The following GLIS3 variants were observed in gnomAD, a reference collection of about 807,000 sequenced individuals.
GLIS3 encodes the protein GLIS family zinc finger 3, also known as zinc finger protein GLIS3.
A neutral mutation model predicts 78.6 loss-of-function variants in GLIS3; 53 were observed. That is an observed-to-expected ratio of 0.67 (90% confidence interval 0.54 to 0.85). The LOEUF (loss-of-function observed/expected upper bound fraction) is 0.85. Among genes scored for constraint, GLIS3 ranks in the 40% least tolerant of loss-of-function variants. The pLI is 0.00. For synonymous variants in GLIS3, 684 were observed against 509.9 expected (o/e 1.34, Z -4.60); for missense variants, 1,703 against 1,231.1 (o/e 1.38, Z -5.74).
intron 6 of GLIS3, among the ~76,000 whole-genome samples, chr9:3,904,063 A>G (rs1823500528): frequency 6.6e-6 from 1 of 152,198 alleles, no homozygotes; most frequent in African/African-American, 2.4e-5. Context: ...ACAGTCTCAT[A>G]GGCACTTTGT....
intron 5 of GLIS3, among the ~76,000 whole-genome samples, chr9:3,934,908 GCTACA>G (rs1397226765): frequency 3.3e-5 from 5 of 152,090 alleles, no homozygotes; most frequent in African/African-American, 1.2e-4. Flanking sequence ...TAACTAGCAT[GCTACA>G]CTTCATCCAA....
chr9:4,067,171 A>T (rs967567163), intron 4 of GLIS3, among the ~76,000 whole-genome samples: 1 of 151,670 alleles, frequency 6.6e-6, no homozygotes, highest in African/African-American at 2.4e-5. Flanking sequence ...ATTTTTTTTT[A>T]ATACTTAACA....
chr9:4,152,440 T>A (rs1403630176), intron 2 of GLIS3, among the ~76,000 whole-genome samples: 1 of 152,206 alleles, frequency 6.6e-6, no homozygotes, highest in African/African-American at 2.4e-5. Flanking sequence ...ACAGCCTTCA[T>A]CCAAAGGCTA....
At chr9:4,026,557 T>C (rs1200058841) in intron 4 of GLIS3, among the ~76,000 whole-genome samples, 1 of 152,184 alleles carries the variant, frequency 6.6e-6, no homozygotes, top group Non-Finnish European at 1.5e-5. Context: ...TAAGTATACA[T>C]ATATGAGACA....
chr9:4,189,504 T>C (rs1025751209), intron 2 of GLIS3, among the ~76,000 whole-genome samples: 1 of 152,196 alleles, frequency 6.6e-6, no homozygotes, highest in African/African-American at 2.4e-5. Context: ...TAGATGTCTA[T>C]TAGGTCTGCT....
chr9:4,100,699 A>G (rs1323516105), intron 4 of GLIS3, among the ~76,000 whole-genome samples: 3 of 152,204 alleles, frequency 2.0e-5, no homozygotes, highest in African/African-American at 7.2e-5. Flanking sequence ...GTATAGAATT[A>G]TCTAGTGTTC....
At chr9:4,330,224 C>A (rs1165024267) in intron 2 of GLIS3, among the ~76,000 whole-genome samples, 2 of 152,218 alleles carry the variant, frequency 1.3e-5, no homozygotes, top group African/African-American at 2.4e-5. Flanking sequence ...AGAAGCAGGG[C>A]TCCCAAGACA....
the GLIS3 span, among the ~76,000 whole-genome samples, chr9:4,444,070 C>G: frequency 6.6e-6 from 1 of 152,094 alleles, no homozygotes; most frequent in East Asian, 1.9e-4. Flanking sequence ...GGACCATGGT[C>G]AAGAGAAGAG....
At chr9:4,159,425 T>A (rs1422324095) in intron 2 of GLIS3, among the ~76,000 whole-genome samples, 1 of 152,134 alleles carries the variant, frequency 6.6e-6, no homozygotes, top group African/African-American at 2.4e-5. Context: ...CCATAAGAGA[T>A]AATAAATCTG....
chr9:4,272,342 C>T (rs764689967), intron 2 of GLIS3, among the ~76,000 whole-genome samples: 60 of 152,270 alleles, frequency 3.9e-4, no homozygotes, highest in Non-Finnish European at 3.8e-4. Context: ...CATAATGTAT[C>T]TTTCAGGAAA....
At chr9:4,250,353 T>G (rs12339320) in intron 2 of GLIS3, among the ~76,000 whole-genome samples, 4,506 of 152,310 alleles carry the variant, frequency 0.03, 230 homozygotes, top group African/African-American at 0.1. Flanking sequence ...AGAGGGTGTA[T>G]GTGTCCAGGA....
chr9:4,143,876 C>G (rs900632077), intron 2 of GLIS3, among the ~76,000 whole-genome samples: 1 of 152,214 alleles, frequency 6.6e-6, no homozygotes, highest in Non-Finnish European at 1.5e-5. Flanking sequence ...ACTGAACTAT[C>G]TATGGCGAAA....
chr9:4,159,884 C>A (rs1349559930), intron 2 of GLIS3, among the ~76,000 whole-genome samples: 2 of 152,124 alleles, frequency 1.3e-5, no homozygotes, highest in Non-Finnish European at 2.9e-5. Context: ...TCCAAAGTAA[C>A]TCAGAAGAGC....
chr9:4,315,681 C>A (rs1248562538), intron 2 of GLIS3, among the ~76,000 whole-genome samples: 2 of 152,138 alleles, frequency 1.3e-5, no homozygotes, highest in African/African-American at 4.8e-5. Flanking sequence ...ACAGTGGGGA[C>A]TGGAGACAAC....
chr9:3,866,232 G>C (rs1164433687), intron 8 of GLIS3, among the ~76,000 whole-genome samples: 1 of 152,182 alleles, frequency 6.6e-6, no homozygotes, highest in East Asian at 1.9e-4. Context: ...TGTGCTCAGG[G>C]AGACTGGGGC....
intron 4 of GLIS3, among the ~76,000 whole-genome samples, chr9:4,012,770 T>C (rs989162176): frequency 1.5e-5 from 2 of 136,788 alleles, no homozygotes; most frequent in South Asian, 4.8e-4. Context: ...TTTTTCTTTT[T>C]TTTTTTTTTT....
At chr9:3,866,513 G>T (rs564369245) in intron 8 of GLIS3, among the ~76,000 whole-genome samples, 2 of 152,240 alleles carry the variant, frequency 1.3e-5, no homozygotes, top group South Asian at 2.1e-4. Flanking sequence ...GTCAAGAAGG[G>T]CCTTTCTGAA....
chr9:4,374,674 C>G, the GLIS3 span, among the ~76,000 whole-genome samples: 4 of 152,200 alleles, frequency 2.6e-5, no homozygotes, highest in African/African-American at 9.7e-5. Context: ...AGAATGAGAC[C>G]TAAGTTGGCA....
At chr9:4,196,643 C>T (rs1487621206) in intron 2 of GLIS3, among the ~76,000 whole-genome samples, 1 of 152,094 alleles carries the variant, frequency 6.6e-6, no homozygotes, top group African/African-American at 2.4e-5. Flanking sequence ...GCCAGTGAGA[C>T]CACAAACCAA....
Sources: gnomAD v4.1 joint callset for allele counts (sites outside exome capture counted in the v4.1 genomes callset) on GRCh38, gnomAD v4.1.1 for gene constraint, MANE v1.5 for transcripts, NCBI Gene and HGNC (gene_info 2026-07-23, HGNC 2026-07-21) for gene names.